The following CHM variants were observed in gnomAD, a reference collection of about 807,000 sequenced individuals.
CHM encodes CHM Rab escort protein.
In CHM, 10 loss-of-function variants were observed where a neutral mutation model predicts 49.0. That is an observed-to-expected ratio of 0.20 (90% CI 0.13 to 0.35). The LOEUF (loss-of-function observed/expected upper bound fraction) is 0.35. Among genes scored for constraint, CHM ranks in the 10% least tolerant of loss-of-function variants. The pLI is 1.00. For synonymous variants in CHM, 184 were observed against 167.5 expected, an observed-to-expected ratio of 1.10 and a Z score of -0.76; for missense variants, 455 against 478.4, an observed-to-expected ratio of 0.95 and a Z score of 0.46.
intron 14 of CHM, among the ~76,000 whole-genome samples, chrX:85,866,263 A>G (rs1445595233): frequency 8.9e-6 from 1 of 112,537 alleles, no homozygotes; most frequent in African/African-American, 3.2e-5. Context: ...AGCCATGGCT[A>G]AAAGGAATAA....
chrX:86,044,678 T>C (rs1934591210), intron 1 of CHM, among the ~76,000 whole-genome samples: 1 of 111,629 alleles, frequency 9.0e-6, no homozygotes. Context: ...AAAACTGTCA[T>C]TTAAATGACT....
In CHM at chrX:85,886,173, T is replaced by C. The variant is rs58892221; in HGVS notation, c.1511-7110A>G. On this transcript the variant is annotated intron_variant, in intron 12 of 14. Transcript: ENST00000357749. ...TATTTGAAACAAATTGTTCTGAATA[T>C]ACATTTCTTTCCAATTATGAGTAAT... Among the ~76,000 whole-genome samples, 558 of 111,433 alleles carry C rather than the reference T, an allele frequency of 5.0e-3. 2 individuals carry two copies. The highest frequency in any genetic ancestry group is 0.014 in the Middle Eastern group (3 of 215).
At chrX:85,913,935 T>G (rs1385096030) in intron 8 of CHM, among the ~76,000 whole-genome samples, 1 of 110,753 alleles carries the variant, frequency 9.0e-6, no homozygotes, top group Non-Finnish European at 1.9e-5. Context: ...GGAGAAAGAA[T>G]GCAGGCCCCA....
At chrX:85,893,257 A>G (rs1483443290) in intron 12 of CHM, among the ~76,000 whole-genome samples, 1 of 111,958 alleles carries the variant, frequency 8.9e-6, no homozygotes, top group Non-Finnish European at 1.9e-5. Flanking sequence ...TGTATAATGT[A>G]TACTTATTGA....
At chrX:86,047,090 C>A (rs981216755) in intron 1 of CHM, among the ~76,000 whole-genome samples, 19 of 111,155 alleles carry the variant, frequency 1.7e-4, no homozygotes, top group African/African-American at 4.9e-4. Context: ...AATGGCGAGA[C>A]AAAATGATGG....
At chrX:85,924,631 A>G (rs370106801) in intron 8 of CHM, among the ~76,000 whole-genome samples, 1 of 111,835 alleles carries the variant, frequency 8.9e-6, no homozygotes, top group Non-Finnish European at 1.9e-5. Flanking sequence ...TCTATATAGG[A>G]GGGCACAAGG....
At chrX:85,938,918 A>G (rs1928946645) in intron 8 of CHM, among the ~76,000 whole-genome samples, 2 of 111,812 alleles carry the variant, frequency 1.8e-5, no homozygotes, top group Non-Finnish European at 3.8e-5. Flanking sequence ...CATGCGCCAC[A>G]TAACAATATT....
chrX:85,998,059 G>T (rs1932523571), intron 2 of CHM, among the ~76,000 whole-genome samples: 1 of 111,348 alleles, frequency 9.0e-6, no homozygotes, highest in South Asian at 3.8e-4. Flanking sequence ...CAGCTCCCAA[G>T]AAATCTATTG....
intron 8 of CHM, among the ~76,000 whole-genome samples, chrX:85,941,445 CT>C (rs1929104231): frequency 8.9e-6 from 1 of 111,781 alleles, no homozygotes; most frequent in Admixed American, 9.6e-5. Flanking sequence ...ATACAATTTC[CT>C]CAGTTATACA....
chrX:86,034,075 C>T (rs938878909), intron 1 of CHM, among the ~76,000 whole-genome samples: 13 of 111,438 alleles, frequency 1.2e-4, no homozygotes, highest in Admixed American at 1.1e-3. Context: ...GGACTGGCTT[C>T]CTGTTTTTAG....
intron 1 of CHM, among the ~76,000 whole-genome samples, chrX:86,031,732 C>A (rs966962891): frequency 9.0e-6 from 1 of 111,037 alleles, no homozygotes. Flanking sequence ...CCCAGCTACT[C>A]GGGAGGCTGA....
At chrX:85,947,893 A>G (rs372696603) in intron 8 of CHM, among the ~76,000 whole-genome samples, 1 of 112,029 alleles carries the variant, frequency 8.9e-6, no homozygotes, top group East Asian at 2.8e-4. Context: ...ATAAATTTAT[A>G]CCACAAGCTA....
At position 85,963,716 on chromosome X, in the gene CHM, G is replaced by A. The variant is rs748510128; in HGVS notation, c.651C>T (p.Tyr217=). Residue 217 remains tyrosine, a synonymous_variant, in exon 5 of 15, where the codon TAC becomes TAT. Transcript: ENST00000357749. ...TEQPKKNRIT[Y]SQIIKEGRRF... ...TCCTGCCTTCTTTAATAATTTGTGAGTAAGTAATTCTGTTTTTCTTTGGTT... is the reference window on the plus strand; with the variant it reads ...TCCTGCCTTCTTTAATAATTTGTGAATAAGTAATTCTGTTTTTCTTTGGTT... 2.4e-5 allele frequency: 29 copies of A among 1,200,023 alleles called. No individual in the cohort carries two copies. The Admixed American group carries it at 6.3e-4, about 26-fold the overall frequency.
At chrX:85,918,451 C>A (rs1435078600) in intron 8 of CHM, among the ~76,000 whole-genome samples, 1 of 111,955 alleles carries the variant, frequency 8.9e-6, no homozygotes, top group Non-Finnish European at 1.9e-5. Flanking sequence ...AAAAAACATG[C>A]TGAAGTACAT....
intron 8 of CHM, among the ~76,000 whole-genome samples, chrX:85,953,227 C>T (rs182853385): frequency 9.0e-5 from 10 of 111,481 alleles, no homozygotes; most frequent in South Asian, 3.8e-4. Flanking sequence ...AAGAAGTGTA[C>T]GATTCCTACA....
Position 85,864,046 on chromosome X carries a change from TACTG to T in CHM, c.*580_*583del, listed in dbSNP as rs1488288586. 3.5e-5 allele frequency: 4 copies of T among 113,590 alleles called. No homozygotes were observed. The highest frequency in any genetic ancestry group is 7.4e-5 in the Non-Finnish European group (4 of 54,319). 9.4% of individuals were successfully genotyped at this position (113,590 alleles called of 1,213,427 possible). A position where few individuals can be genotyped will look rare whatever the true frequency, so the allele number is the denominator to read the frequency against. On this transcript the variant is annotated 3_prime_UTR_variant, in exon 15 of 15. Coordinates refer to ENST00000357749, the MANE Select transcript of CHM (RefSeq NM_000390.4). Reference sequence around the variant, plus strand: ...TATCACTACTGATACTAAAAAACACTACTGACTTATTCGTAAAAATGTCTAAACA... The same window carrying T: ...TATCACTACTGATACTAAAAAACACTACTTATTCGTAAAAATGTCTAAACA...
chrX:86,001,569 T>C (rs753987977), intron 2 of CHM, among the ~76,000 whole-genome samples: 1 of 110,672 alleles, frequency 9.0e-6, no homozygotes, highest in East Asian at 2.9e-4. Flanking sequence ...GCACCATGCA[T>C]GATGAGAGTG....
chrX:85,967,272 C>A (rs1228036115), intron 4 of CHM, among the ~76,000 whole-genome samples: 4 of 112,308 alleles, frequency 3.6e-5, no homozygotes, highest in South Asian at 7.3e-4. Context: ...TGGTAAAAGA[C>A]ATTTTCTTAA....
intron 2 of CHM, among the ~76,000 whole-genome samples, chrX:86,004,358 C>T (rs1013505258): frequency 9.0e-6 from 1 of 111,694 alleles, no homozygotes; most frequent in African/African-American, 3.3e-5. Context: ...CAACAATTAA[C>T]GGGCAAAATA....
Sources: allele counts gnomAD v4.1 joint callset (sites outside exome capture counted in the v4.1 genomes callset), GRCh38; gene constraint gnomAD v4.1.1; transcripts MANE v1.5; gene names NCBI Gene and HGNC (gene_info 2026-07-23, HGNC 2026-07-21).